PRSS23: variants seen among roughly 807,000 people sequenced by gnomAD.
The protein encoded by PRSS23 is serine protease 23.
PRSS23 carries 25 observed loss-of-function variants against 34.7 expected under a neutral mutation model. The ratio of observed to expected loss-of-function variants is 0.72; its 90% CI spans 0.53 to 1.01. PRSS23 has a LOEUF of 1.01. PRSS23 is among the 50% of genes least tolerant of loss of function. The pLI is 0.00. For missense variants in PRSS23, 445 were observed against 475.6 expected, an observed-to-expected ratio of 0.94 and a Z score of 0.60; for synonymous variants, 176 against 186.6, an observed-to-expected ratio of 0.94 and a Z score of 0.46.
intron 2 of PRSS23, chr11:86,947,535 T>C (rs533528848): frequency 6.6e-6 from 1 of 152,142 alleles, no homozygotes; most frequent in Admixed American, 6.5e-5. Context: ...GGAACCTGAG[T>C]TTGGAGAGTG....
chr11:86,902,089 A>C (rs1675340901), intron 2 of PRSS23, among the ~76,000 whole-genome samples: 1 of 152,176 alleles, frequency 6.6e-6, no homozygotes, highest in South Asian at 2.1e-4. Flanking sequence ...GAATGTCTAC[A>C]TAGATGATGG....
chr11:86,797,860 G>C (rs1445511003), upstream of PRSS23, among the ~76,000 whole-genome samples: 1 of 152,164 alleles, frequency 6.6e-6, no homozygotes, highest in Non-Finnish European at 1.5e-5. Context: ...TTACAGAGGA[G>C]GAAACTGAGG....
intron 1 of PRSS23, chr11:86,823,246 T>TA (rs11402135): frequency 0.014 from 8,505 of 609,472 alleles, 544 homozygotes; most frequent in African/African-American, 0.14. Flanking sequence ...AAAAGCATCA[T>TA]AAAAAAAAAT....
At chr11:86,820,576 T>C (rs1025577889) in intron 1 of PRSS23, among the ~76,000 whole-genome samples, 1 of 152,222 alleles carries the variant, frequency 6.6e-6, no homozygotes, top group African/African-American at 2.4e-5. Flanking sequence ...ATTATTTAAG[T>C]ATTACTAACG....
intron 2 of PRSS23, among the ~76,000 whole-genome samples, chr11:86,902,715 A>G (rs1156416407): frequency 6.6e-6 from 1 of 152,230 alleles, no homozygotes; most frequent in Non-Finnish European, 1.5e-5. Flanking sequence ...AAACAACATG[A>G]TATCAAGACA....
At chr11:86,853,242 CTTTTTTTTTTTTTTTTTTTTT>C (rs561682096) in intron 2 of PRSS23, among the ~76,000 whole-genome samples, 4 of 47,766 alleles carry the variant, frequency 8.4e-5, no homozygotes, top group African/African-American at 3.5e-4. Flanking sequence ...AAGTGCCTGC[CTTTTTTTTTTTTTTTTTTTTT>C]TTTTTTTTTT....
intron 1 of PRSS23, among the ~76,000 whole-genome samples, chr11:86,801,246 AGTT>A (rs569728864): frequency 3.9e-4 from 60 of 152,316 alleles, no homozygotes; most frequent in African/African-American, 1.3e-3. Context: ...AACTAACAAC[AGTT>A]GTTGTAAGCA....
intron 2 of PRSS23, among the ~76,000 whole-genome samples, chr11:86,928,245 GTATT>G (rs1389038278): frequency 5.0e-4 from 73 of 147,160 alleles, no homozygotes; most frequent in Non-Finnish European, 1.9e-4. Context: ...ATAAGTATAT[GTATT>G]TATTATATAC....
At chr11:86,806,580 G>A (rs571901331) in intron 1 of PRSS23, among the ~76,000 whole-genome samples, 4 of 152,318 alleles carry the variant, frequency 2.6e-5, no homozygotes, top group Non-Finnish European at 4.4e-5. Context: ...GTTGGAGCGA[G>A]GCTGTGGCAT....
intron 2 of PRSS23, among the ~76,000 whole-genome samples, chr11:86,887,956 G>T (rs1406362837): frequency 6.6e-6 from 1 of 151,928 alleles, no homozygotes; most frequent in Non-Finnish European, 1.5e-5. Context: ...GGAGGCTGAG[G>T]CAGGATAATT....
At chr11:86,865,552 AG>A (rs1476629809) in intron 2 of PRSS23, among the ~76,000 whole-genome samples, 1 of 152,238 alleles carries the variant, frequency 6.6e-6, no homozygotes, top group Admixed American at 6.5e-5. Context: ...GCCAAAGGAC[AG>A]GCAGGTAGAG....
At chr11:86,825,809 C>T (rs1213231177) in intron 2 of PRSS23, among the ~76,000 whole-genome samples, 1 of 150,046 alleles carries the variant, frequency 6.7e-6, no homozygotes, top group Non-Finnish European at 1.5e-5. Flanking sequence ...GGCGTTATTT[C>T]TGAGGGCTCT....
downstream of PRSS23, among the ~76,000 whole-genome samples, chr11:86,812,778 A>G (rs144403979): frequency 0.014 from 1,910 of 139,068 alleles, 58 homozygotes; most frequent in African/African-American, 0.049. Context: ...ACAGAGTGAG[A>G]CTCTGTCTCA....
At chr11:86,922,842 A>G (rs1590929194) in intron 2 of PRSS23, among the ~76,000 whole-genome samples, 1 of 152,334 alleles carries the variant, frequency 6.6e-6, no homozygotes, top group South Asian at 2.1e-4. Flanking sequence ...TTCCTGGCAT[A>G]TAACAGGTGC....
In PRSS23 at chr11:86,808,304, T is replaced by G; in HGVS notation, c.661T>G (p.Trp221Gly). ...SAMPEQMKFQ[W>G]IRVKRTHVPK... Reference sequence around the variant, plus strand: ...CATGCCCGAGCAGATGAAATTTCAGTGGATCCGGGTGAAACGCACCCATGT... The same window carrying G: ...CATGCCCGAGCAGATGAAATTTCAGGGGATCCGGGTGAAACGCACCCATGT... Residue 221 changes from tryptophan (W) to glycine (G), a missense_variant, in exon 2 of 2, where the codon TGG (tryptophan) becomes GGG (glycine). Transcript: ENST00000280258. The G allele has an allele frequency of 6.2e-7, 1 of 1,614,132 alleles. No homozygotes were observed. Among genetic ancestry groups the G allele is most frequent in the Non-Finnish European group, 8.5e-7 (1 of 1,180,044 alleles).
At chr11:86,826,836 A>G (rs1484879622) in intron 2 of PRSS23, among the ~76,000 whole-genome samples, 3 of 152,308 alleles carry the variant, frequency 2.0e-5, no homozygotes, top group African/African-American at 2.4e-5. Flanking sequence ...CATCCCAGGG[A>G]TGAAGCCCAC....
chr11:86,885,669 T>G (rs1948797921), intron 2 of PRSS23, among the ~76,000 whole-genome samples: 1 of 152,278 alleles, frequency 6.6e-6, no homozygotes, highest in African/African-American at 2.4e-5. Context: ...TCCAGCCTGC[T>G]GATCTATCCC....
At chr11:86,921,512 AG>A (rs1949047156) in intron 2 of PRSS23, 6 of 152,242 alleles carry the variant, frequency 3.9e-5, no homozygotes, top group African/African-American at 1.2e-4. Context: ...AGCCTCACAA[AG>A]GAGCATATGC....
intron 2 of PRSS23, among the ~76,000 whole-genome samples, chr11:86,861,886 C>T (rs1228988073): frequency 6.6e-6 from 1 of 151,796 alleles, no homozygotes; most frequent in African/African-American, 2.4e-5. Context: ...GTGTACACCC[C>T]CTTGTCATAT....
Sources: allele counts gnomAD v4.1 joint callset (sites outside exome capture counted in the v4.1 genomes callset), GRCh38; gene constraint gnomAD v4.1.1; transcripts MANE v1.5; gene names NCBI Gene and HGNC (gene_info 2026-07-23, HGNC 2026-07-21).